CTIF: variants seen among roughly 807,000 people sequenced by gnomAD.
CTIF encodes cap binding complex dependent translation initiation factor, also known as CBP80/20-dependent translation initiation factor.
CTIF carries 21 observed loss-of-function variants against 66.0 expected under a neutral mutation model. The observed-to-expected ratio is 0.32, with a 90% confidence interval of 0.23 to 0.46. The LOEUF (loss-of-function observed/expected upper bound fraction) is 0.46, where lower values mean the gene tolerates loss of function less well. CTIF is among the 20% of genes least tolerant of loss of function. The probability of loss-of-function intolerance (pLI) is 1.00; values close to 1 mark genes in which losing one functional copy is unlikely to be tolerated. For missense variants in CTIF, 739 were observed against 812.7 expected, an observed-to-expected ratio of 0.91 and a Z score of 1.10; for synonymous variants, 345 against 326.4, an observed-to-expected ratio of 1.06 and a Z score of -0.62.
chr18:48,621,511 A>C (rs2090493110), intron 2 of CTIF: 1 of 357,638 alleles, frequency 2.8e-6, no homozygotes. Flanking sequence ...CCACATGAGG[A>C]AGAAAGAATG....
chr18:48,678,377 T>C (rs1224916972), intron 6 of CTIF, among the ~76,000 whole-genome samples: 1 of 150,998 alleles, frequency 6.6e-6, no homozygotes, highest in African/African-American at 2.4e-5. Context: ...AAGGAGGGGG[T>C]CTTACAAACG....
intron 1 of CTIF, among the ~76,000 whole-genome samples, chr18:48,553,131 C>T (rs2088926970): frequency 6.6e-6 from 1 of 152,188 alleles, no homozygotes; most frequent in South Asian, 2.1e-4. Flanking sequence ...TCCTTCCCTA[C>T]AAAATTACCT....
intron 10 of CTIF, among the ~76,000 whole-genome samples, chr18:48,827,676 C>G (rs2068609734): frequency 1.4e-5 from 1 of 72,774 alleles, no homozygotes; most frequent in Non-Finnish European, 2.9e-5. Context: ...ATGTAGCCTT[C>G]CTAGGGCCAG....
Position 48,758,262 on chromosome 18 carries a change from C to T in CTIF, c.928C>T (p.Arg310Trp), listed in dbSNP as rs759011311. 2.7e-5 allele frequency: 43 copies of T among 1,613,334 alleles called. No individual in the cohort carries two copies. In the African/African-American group the frequency reaches 3.5e-4, roughly 13 times the overall value. Residue 310 changes from arginine (R) to tryptophan (W), a missense_variant, in exon 8 of 12, where the codon CGG becomes TGG. Arg to Trp is a moderately radical substitution (Grantham distance 101). Around this residue, in one of 2 missense-constraint regions of CTIF, gnomAD observed 529 missense variants for 520.3 expected, o/e 1.02. Transcript: ENST00000256413. Reference sequence around the variant, plus strand: ...CACCCTGGCCCCGGTGGCTTCTGAGCGGCTGCCCCCACAGCAGTCAGGGGG... The same window carrying T: ...CACCCTGGCCCCGGTGGCTTCTGAGTGGCTGCCCCCACAGCAGTCAGGGGG... ...PDTLAPVASERLPPQQSGGPE... is the reference protein window; with the variant it reads ...PDTLAPVASEWLPPQQSGGPE...
intron 3 of CTIF, among the ~76,000 whole-genome samples, chr18:48,638,413 T>C (rs1315880814): frequency 1.3e-5 from 2 of 152,192 alleles, no homozygotes; most frequent in African/African-American, 4.8e-5. Flanking sequence ...GCTTGTCTGC[T>C]GTCTTTCCCC....
chr18:48,766,531 A>G (rs144040158), intron 9 of CTIF, among the ~76,000 whole-genome samples: 2 of 152,296 alleles, frequency 1.3e-5, no homozygotes, highest in African/African-American at 4.8e-5. Context: ...CAGGGGGCCT[A>G]CCCCTAATCA....
chr18:48,660,332 G>C (rs901544130), intron 3 of CTIF, among the ~76,000 whole-genome samples: 58 of 152,294 alleles, frequency 3.8e-4, no homozygotes, highest in African/African-American at 1.1e-3. Context: ...CTGCTCCCCA[G>C]CTGGGCCATG....
At chr18:48,579,286 A>G (rs1229601750) in intron 1 of CTIF, among the ~76,000 whole-genome samples, 2 of 152,046 alleles carry the variant, frequency 1.3e-5, no homozygotes, top group Non-Finnish European at 2.9e-5. Flanking sequence ...AGCTGGGACT[A>G]CAGTGCATGC....
At chr18:48,548,443 G>A (rs1453211541) in intron 1 of CTIF, among the ~76,000 whole-genome samples, 2 of 152,200 alleles carry the variant, frequency 1.3e-5, no homozygotes, top group East Asian at 1.9e-4. Context: ...ATCTGTCTCC[G>A]GTATCTACCT....
chr18:48,682,432 TGAA>T (rs1333979110), intron 6 of CTIF, among the ~76,000 whole-genome samples: 3 of 152,176 alleles, frequency 2.0e-5, no homozygotes, highest in Non-Finnish European at 4.4e-5. Flanking sequence ...TTCACCCCAG[TGAA>T]CCAGAAACTC....
chr18:48,806,704 G>GCACA (rs2068155325), intron 9 of CTIF, among the ~76,000 whole-genome samples: 1 of 152,176 alleles, frequency 6.6e-6, no homozygotes, highest in African/African-American at 2.4e-5. Context: ...TTTCCCCTTT[G>GCACA]CCTGTATACA....
chr18:48,770,306 T>TCGCCACTGCGCCACTG (rs1432280671), intron 9 of CTIF, among the ~76,000 whole-genome samples: 3 of 152,200 alleles, frequency 2.0e-5, no homozygotes, highest in African/African-American at 7.2e-5. Context: ...TCCTGCCTCT[T>TCGCCACTGCGCCACTG]TGCCACTGCG....
chr18:48,681,233 G>A (rs8097566), intron 6 of CTIF, among the ~76,000 whole-genome samples: 1 of 152,234 alleles, frequency 6.6e-6, no homozygotes, highest in Non-Finnish European at 1.5e-5. Flanking sequence ...ATACAGCCAG[G>A]GGGGCTGGGG....
chr18:48,614,717 G>A (rs1422057398), intron 1 of CTIF, among the ~76,000 whole-genome samples: 1 of 152,200 alleles, frequency 6.6e-6, no homozygotes, highest in Non-Finnish European at 1.5e-5. Flanking sequence ...AGTGGGCACA[G>A]AGTTTCTGTT....
rs185899980 is a variant in CTIF at position 48,639,418 on chromosome 18, G to A, written c.252+2733G>A. Among the ~76,000 whole-genome samples, 9 of 152,274 alleles carry A rather than the reference G, an allele frequency of 5.9e-5. No homozygotes were observed. The East Asian group carries it at 1.5e-3, about 26-fold the overall frequency. On this transcript the variant is annotated intron_variant, in intron 3 of 11. Coordinates refer to ENST00000256413, the MANE Select transcript of CTIF (RefSeq NM_014772.3). ...AGGTGTAAAAAAATGCACCCTGCAC[G>A]GCATGAGATGGGGCCCAGGGGGCAG...
chr18:48,664,673 T>C, intron 5 of CTIF, 122 bp downstream of exon 5: 1 of 761,878 alleles, frequency 1.3e-6, no homozygotes, highest in South Asian at 1.7e-5. Flanking sequence ...CCCGGGATGC[T>C]CTTCTTATGC....
intron 9 of CTIF, among the ~76,000 whole-genome samples, chr18:48,806,192 T>C (rs2068143402): frequency 6.6e-6 from 1 of 152,216 alleles, no homozygotes; most frequent in African/African-American, 2.4e-5. Flanking sequence ...ATAAAGCACC[T>C]TTTATTTGAA....
At chr18:48,812,996 C>T (rs1021019479) in intron 9 of CTIF, among the ~76,000 whole-genome samples, 8 of 145,030 alleles carry the variant, frequency 5.5e-5, no homozygotes, top group Non-Finnish European at 9.1e-5. Flanking sequence ...TCTTCTCTAT[C>T]GTTTTTCTTT....
chr18:48,755,708 A>G (rs1389894902), intron 7 of CTIF: 1 of 152,252 alleles, frequency 6.6e-6, no homozygotes, highest in Non-Finnish European at 1.5e-5. Flanking sequence ...TTGAACTTGG[A>G]CACCAAGGAT....
Sources: gnomAD v4.1 joint callset for allele counts (sites outside exome capture counted in the v4.1 genomes callset) on GRCh38, gnomAD v4.1.1 for gene constraint, gnomAD v4.1.1 regional missense constraint, MANE v1.5 for transcripts, NCBI Gene and HGNC (gene_info 2026-07-23, HGNC 2026-07-21) for gene names.